MTHFD1L: variants seen among roughly 807,000 people sequenced by gnomAD.
MTHFD1L encodes the protein monofunctional C1-tetrahydrofolate synthase, mitochondrial.
A neutral mutation model predicts 119.5 loss-of-function variants in MTHFD1L; 81 were observed. That is an observed-to-expected ratio of 0.68 (90% confidence interval 0.57 to 0.82). MTHFD1L has a LOEUF of 0.82. Among genes scored for constraint, MTHFD1L ranks in the 40% least tolerant of loss-of-function variants. The probability of loss-of-function intolerance (pLI) is 0.00; values close to 1 mark genes in which losing one functional copy is unlikely to be tolerated. For missense variants in MTHFD1L, 1,125 were observed against 1,253.4 expected, an observed-to-expected ratio of 0.90 and a Z score of 1.55; for synonymous variants, 430 against 475.2, an observed-to-expected ratio of 0.90 and a Z score of 1.24.
chr6:150,901,022 AAAAG>A (rs1785025851), intron 7 of MTHFD1L, among the ~76,000 whole-genome samples: 1 of 150,444 alleles, frequency 6.6e-6, no homozygotes, highest in Non-Finnish European at 1.5e-5. Context: ...TCAAAAAAAA[AAAAG>A]AAAAGAAAAG....
intron 13 of MTHFD1L, among the ~76,000 whole-genome samples, chr6:150,940,810 C>A (rs1455192157): frequency 1.3e-5 from 2 of 152,086 alleles, no homozygotes; most frequent in Non-Finnish European, 2.9e-5. Flanking sequence ...GAACTCCTGA[C>A]CTCAGGTGAC....
At chr6:150,982,086 C>T (rs1162454293) in intron 20 of MTHFD1L, among the ~76,000 whole-genome samples, 4 of 150,700 alleles carry the variant, frequency 2.7e-5, no homozygotes, top group African/African-American at 9.8e-5. Context: ...ATGGTGAAAC[C>T]CTGTCTTGAA....
chr6:150,917,126 C>T (rs775987696), intron 8 of MTHFD1L, among the ~76,000 whole-genome samples: 1 of 151,910 alleles, frequency 6.6e-6, no homozygotes, highest in African/African-American at 2.4e-5. Flanking sequence ...TCATGTAACA[C>T]TTTGACCAGT....
At chr6:150,902,923 T>C (rs565405104) in intron 7 of MTHFD1L, among the ~76,000 whole-genome samples, 12 of 152,186 alleles carry the variant, frequency 7.9e-5, no homozygotes, top group Non-Finnish European at 1.8e-4. Context: ...TTGCTGCTAT[T>C]CTGCCTGAAA....
intron 20 of MTHFD1L, 142 bp from the exon 21 acceptor site, chr6:151,009,677 C>A: frequency 1.0e-6 from 1 of 983,630 alleles, no homozygotes; most frequent in Non-Finnish European, 1.5e-6. Flanking sequence ...ATTTCTATGA[C>A]AATGGGGAAA....
At chr6:151,007,366 ACGCC>A in intron 20 of MTHFD1L, among the ~76,000 whole-genome samples, 1 of 151,356 alleles carries the variant, frequency 6.6e-6, no homozygotes, top group African/African-American at 2.5e-5. Context: ...AGTGAGAAAA[ACGCC>A]TGGATGGAGC....
intron 26 of MTHFD1L, among the ~76,000 whole-genome samples, chr6:151,089,289 G>A (rs1298847123): frequency 6.6e-6 from 1 of 152,222 alleles, no homozygotes; most frequent in Non-Finnish European, 1.5e-5. Context: ...GCTAGGCACA[G>A]ATTATAGAGG....
At chr6:150,956,339 T>C (rs1795642064) in intron 17 of MTHFD1L, among the ~76,000 whole-genome samples, 1 of 152,216 alleles carries the variant, frequency 6.6e-6, no homozygotes, top group Non-Finnish European at 1.5e-5. Flanking sequence ...CCACTCAGGG[T>C]ATTCTTTGAA....
At chr6:151,037,314 G>C (rs1786329965) in intron 26 of MTHFD1L, among the ~76,000 whole-genome samples, 197 bp downstream of exon 26, 1 of 152,070 alleles carries the variant, frequency 6.6e-6, no homozygotes, top group Admixed American at 6.5e-5. Flanking sequence ...TCTTTTTTTA[G>C]ATCATGTGTT....
intron 8 of MTHFD1L, among the ~76,000 whole-genome samples, chr6:150,912,255 T>G (rs1787031715): frequency 6.6e-6 from 1 of 151,940 alleles, no homozygotes; most frequent in African/African-American, 2.4e-5. Context: ...CTTTATATCC[T>G]ACAAAGTCAA....
chr6:151,004,699 C>G (rs1048819119), intron 20 of MTHFD1L, among the ~76,000 whole-genome samples: 4 of 152,232 alleles, frequency 2.6e-5, no homozygotes, highest in Non-Finnish European at 4.4e-5. Flanking sequence ...CTGACCCTTC[C>G]TTTCTCAGCT....
At chr6:150,936,961 T>G in intron 12 of MTHFD1L, 21 bp downstream of exon 12, 1 of 1,608,868 alleles carries the variant, frequency 6.2e-7, no homozygotes, top group South Asian at 1.1e-5. Flanking sequence ...TAACAACTAG[T>G]GTACTTTTCA....
At chr6:151,015,047 T>C in intron 23 of MTHFD1L, 67 bp downstream of exon 23, 1 of 1,307,794 alleles carries the variant, frequency 7.6e-7, no homozygotes, top group Non-Finnish European at 1.1e-6. Context: ...GATATTTGTG[T>C]CTTGGGGTAT....
rs1778242764 is a variant in MTHFD1L, at chr6:150,866,068, C to T, written c.227+19C>T. 6.8e-7 allele frequency: 1 copy of T among 1,480,300 alleles called. No homozygotes were observed. 91.7% of individuals were successfully genotyped at this position (1,480,300 alleles called of 1,614,324 possible). On this transcript the variant is annotated intron_variant, in intron 1 of 27. Coordinates refer to ENST00000367321, the MANE Select transcript of MTHFD1L (RefSeq NM_015440.5). ...TCGTCAGGTGAGTGTCGGGTCTGGCCCTGGCCCAGGTCTCCAGCGGCTGTG... is the reference window on the plus strand; with the variant it reads ...TCGTCAGGTGAGTGTCGGGTCTGGCTCTGGCCCAGGTCTCCAGCGGCTGTG...
chr6:150,954,075 G>A (rs768557964), intron 16 of MTHFD1L, among the ~76,000 whole-genome samples: 4 of 152,214 alleles, frequency 2.6e-5, no homozygotes, highest in South Asian at 2.1e-4. Flanking sequence ...AACAACAGCC[G>A]AGTCAGGGAA....
chr6:150,961,481 C>T (rs1276497925), intron 18 of MTHFD1L, among the ~76,000 whole-genome samples: 1 of 152,170 alleles, frequency 6.6e-6, no homozygotes, highest in East Asian at 1.9e-4. Context: ...TGGACACAGG[C>T]CTCTAAGATA....
rs374648417 is a variant in MTHFD1L at position 151,044,285 on chromosome 6, T to C, written c.2847+7168T>C. ...GCAGAGGGTGACAGGAGGCACCGCA[T>C]GGGTACATTCTTTTTTTTTTTTTTT... On this transcript the variant is annotated intron_variant, in intron 26 of 27. Transcript: ENST00000367321. Among the ~76,000 whole-genome samples, 66 of 150,794 alleles carry C rather than the reference T, an allele frequency of 4.4e-4. 1 individual carries two copies. In the East Asian group the frequency reaches 0.013, roughly 29 times the overall value.
chr6:151,056,475 G>A (rs1237808312), intron 26 of MTHFD1L, among the ~76,000 whole-genome samples: 1 of 152,212 alleles, frequency 6.6e-6, no homozygotes, highest in African/African-American at 2.4e-5. Context: ...GATGCCTGGA[G>A]AATTATCTGA....
chr6:151,018,083 C>T (rs566492128), intron 24 of MTHFD1L, among the ~76,000 whole-genome samples: 4 of 152,200 alleles, frequency 2.6e-5, no homozygotes, highest in Admixed American at 2.6e-4. Context: ...TGTCTTTGCA[C>T]CCGTCTGACA....
Sources: gnomAD v4.1 joint callset for allele counts (sites outside exome capture counted in the v4.1 genomes callset) on GRCh38, gnomAD v4.1.1 for gene constraint, MANE v1.5 for transcripts, NCBI Gene and HGNC (gene_info 2026-07-23, HGNC 2026-07-21) for gene names.